Variants in CCDC91 observed in about 807,000 individuals in gnomAD.
CCDC91 encodes the protein coiled-coil domain-containing protein 91.
A neutral mutation model predicts 63.2 loss-of-function variants in CCDC91; 48 were observed. The ratio of observed to expected loss-of-function variants is 0.76; its 90% confidence interval spans 0.60 to 0.97. The LOEUF (loss-of-function observed/expected upper bound fraction) is 0.97. CCDC91 is among the 50% of genes least tolerant of loss of function. The pLI is 0.00. For missense variants in CCDC91, 500 were observed against 494.6 expected, an observed-to-expected ratio of 1.01 and a Z score of -0.10; for synonymous variants, 167 against 165.8, an observed-to-expected ratio of 1.01 and a Z score of -0.06.
intron 1 of CCDC91, among the ~76,000 whole-genome samples, chr12:28,233,316 T>C (rs1944727879): frequency 6.6e-6 from 1 of 152,166 alleles, no homozygotes; most frequent in Non-Finnish European, 1.5e-5. Flanking sequence ...TGCCTATTCT[T>C]GAACTTCATA....
intron 11 of CCDC91, among the ~76,000 whole-genome samples, chr12:28,479,779 G>A (rs1951341361): frequency 6.6e-6 from 1 of 151,980 alleles, no homozygotes; most frequent in South Asian, 2.1e-4. Context: ...AAATGAAAAT[G>A]TGTCTATCCT....
At chr12:28,296,126 A>C (rs1376127276) in intron 3 of CCDC91, among the ~76,000 whole-genome samples, 2 of 151,470 alleles carry the variant, frequency 1.3e-5, no homozygotes, top group South Asian at 4.2e-4. Flanking sequence ...GGGGAATGAA[A>C]TTTTTTTAAA....
chr12:28,471,676 T>C (rs193265275), intron 11 of CCDC91, among the ~76,000 whole-genome samples: 1 of 147,502 alleles, frequency 6.8e-6, no homozygotes, highest in Admixed American at 6.7e-5. Flanking sequence ...TAGGAGAGAA[T>C]TTGGGCATTA....
intron 8 of CCDC91, among the ~76,000 whole-genome samples, chr12:28,398,397 G>C (rs1229282060): frequency 6.6e-6 from 1 of 152,058 alleles, no homozygotes; most frequent in African/African-American, 2.4e-5. Flanking sequence ...GTATTCTATT[G>C]TATGGAAACG....
intron 1 of CCDC91, among the ~76,000 whole-genome samples, chr12:28,203,318 G>A (rs1469939181): frequency 6.6e-6 from 1 of 152,124 alleles, no homozygotes; most frequent in Admixed American, 6.5e-5. Flanking sequence ...TGTTGTTCTT[G>A]CTTTATGGAG....
chr12:28,414,581 CTG>C (rs1412120489), intron 8 of CCDC91, among the ~76,000 whole-genome samples: 5 of 152,158 alleles, frequency 3.3e-5, no homozygotes, highest in East Asian at 1.9e-4. Context: ...GCCTGGTCTC[CTG>C]TGTGTCACAT....
chr12:28,356,319 G>A (rs1182684864), intron 6 of CCDC91, among the ~76,000 whole-genome samples: 1 of 152,118 alleles, frequency 6.6e-6, no homozygotes, highest in Admixed American at 6.5e-5. Flanking sequence ...AACTGAAGAG[G>A]TGTTGTTTTG....
rs113516925 is a variant in CCDC91 at position 28,436,678 on chromosome 12, T to A, written c.763-13483T>A. On this transcript the variant is annotated intron_variant, in intron 8 of 12. Coordinates refer to ENST00000536442, the MANE Select transcript of CCDC91 (RefSeq NM_018318.5). ...GTTGAGCAGATTTTCTAGCAACAGA[T>A]TATCTCATTTTATCTGATCAAGTCT... is the stretch of plus-strand genomic sequence containing the variant. Among the ~76,000 whole-genome samples the A allele has an allele frequency of 1.9e-3, 295 of 151,994 alleles. 1 individual carries two copies. The highest frequency in any genetic ancestry group is 3.0e-3 in the Non-Finnish European group (205 of 67,850).
intron 8 of CCDC91, among the ~76,000 whole-genome samples, chr12:28,429,196 A>G (rs1317484087): frequency 6.6e-6 from 1 of 152,182 alleles, no homozygotes; most frequent in African/African-American, 2.4e-5. Context: ...TAGTTTCCCA[A>G]TAATGTTTGT....
chr12:28,303,003 A>C (rs182024737), intron 3 of CCDC91, among the ~76,000 whole-genome samples: 1 of 152,242 alleles, frequency 6.6e-6, no homozygotes, highest in Admixed American at 6.5e-5. Flanking sequence ...CCTGAAAAGG[A>C]ATCAAGGAAA....
rs918811680 is a variant in CCDC91 at position 28,549,980 on chromosome 12, A to T, written c.*807A>T. 1.3e-5 allele frequency: 2 copies of T among 152,568 alleles called. No individual in the cohort carries two copies. The highest frequency in any genetic ancestry group is 4.8e-5 in the African/African-American group (2 of 41,464). The allele number at this position is 152,568 out of a possible 1,614,324, so 9.5% of individuals were successfully genotyped here. On this transcript the variant is annotated 3_prime_UTR_variant, in exon 13 of 13. Transcript: ENST00000536442. ...ATATGAAATCTTTTCCCAGTATTTC[A>T]GAATGTACTTAATTCACAGGCAGGA...
intron 1 of CCDC91, among the ~76,000 whole-genome samples, chr12:28,202,470 T>C (rs1942531950): frequency 1.4e-5 from 2 of 147,610 alleles, no homozygotes; most frequent in South Asian, 2.1e-4. Context: ...CTGAACTCTT[T>C]ATGTAAACTT....
chr12:28,399,561 A>T (rs1480801477), intron 8 of CCDC91, among the ~76,000 whole-genome samples: 1 of 152,202 alleles, frequency 6.6e-6, no homozygotes, highest in Admixed American at 6.5e-5. Flanking sequence ...TTAACTCAAG[A>T]GTCCAAGTCC....
At chr12:28,300,215 C>G (rs573098337) in intron 3 of CCDC91, among the ~76,000 whole-genome samples, 1 of 151,486 alleles carries the variant, frequency 6.6e-6, no homozygotes, top group Non-Finnish European at 1.5e-5. Context: ...GTTTAGATCC[C>G]TGATCCTCTT....
intron 3 of CCDC91, among the ~76,000 whole-genome samples, chr12:28,300,357 G>A (rs1937926221): frequency 6.6e-6 from 1 of 151,424 alleles, no homozygotes; most frequent in African/African-American, 2.4e-5. Context: ...TTGAAATGCT[G>A]CTTTTATCAC....
intron 3 of CCDC91, among the ~76,000 whole-genome samples, chr12:28,271,334 ATTGT>A (rs1947757356): frequency 6.6e-6 from 1 of 151,790 alleles, no homozygotes; most frequent in South Asian, 2.1e-4. Context: ...TGTCTATTTT[ATTGT>A]TTATTATATT....
At chr12:28,303,437 C>T (rs1364040721) in intron 3 of CCDC91, among the ~76,000 whole-genome samples, 1 of 152,022 alleles carries the variant, frequency 6.6e-6, no homozygotes, top group African/African-American at 2.4e-5. Context: ...TCCCTCCTTT[C>T]TCCCTAACAT....
intron 12 of CCDC91, among the ~76,000 whole-genome samples, chr12:28,515,100 C>T (rs781686876): frequency 6.6e-6 from 1 of 151,642 alleles, no homozygotes; most frequent in Admixed American, 6.6e-5. Flanking sequence ...TCCTTTCTTC[C>T]CCACCCCCAA....
chr12:28,506,363 G>T (rs1938714836), intron 12 of CCDC91, among the ~76,000 whole-genome samples: 1 of 151,900 alleles, frequency 6.6e-6, no homozygotes. Context: ...AACCATTCCT[G>T]CATCTTTGTT....
Sources: gnomAD v4.1 joint callset for allele counts (sites outside exome capture counted in the v4.1 genomes callset) on GRCh38, gnomAD v4.1.1 for gene constraint, MANE v1.5 for transcripts, NCBI Gene and HGNC (gene_info 2026-07-23, HGNC 2026-07-21) for gene names.